FARP1: variants seen among roughly 807,000 people sequenced by gnomAD.
FARP1 encodes the protein FERM, ARH/RhoGEF and pleckstrin domain protein 1, also known as FERM, ARHGEF and pleckstrin domain-containing protein 1.
In FARP1, 52 loss-of-function variants were observed where a neutral mutation model predicts 128.8. That is an observed-to-expected ratio of 0.40 (90% CI 0.32 to 0.51). The LOEUF (loss-of-function observed/expected upper bound fraction) is 0.51, where lower values mean the gene tolerates loss of function less well. Among genes scored for constraint, FARP1 ranks in the 20% least tolerant of loss-of-function variants. The pLI is 0.45. For synonymous variants in FARP1, 580 were observed against 551.8 expected (o/e 1.05, Z -0.72); for missense variants, 1,333 against 1,367.9 (o/e 0.97, Z 0.40).
At chr13:98,174,812 ATAC>A (rs1877885407) in intron 1 of FARP1, among the ~76,000 whole-genome samples, 1 of 152,196 alleles carries the variant, frequency 6.6e-6, no homozygotes, top group South Asian at 2.1e-4. Context: ...ACCCTGTGAG[ATAC>A]TACTATGTAT....
At chr13:98,254,560 A>G (rs1208498110) in intron 2 of FARP1, among the ~76,000 whole-genome samples, 1 of 152,180 alleles carries the variant, frequency 6.6e-6, no homozygotes, top group African/African-American at 2.4e-5. Flanking sequence ...TACTGATGAG[A>G]AGTGTATCCT....
chr13:98,315,778 T>C (rs557761580), intron 2 of FARP1, among the ~76,000 whole-genome samples: 109 of 152,322 alleles, frequency 7.2e-4, no homozygotes, highest in Non-Finnish European at 4.4e-5. Context: ...TCACTGGTGG[T>C]TTTCTGAGTC....
chr13:98,432,094 G>T, intron 18 of FARP1: 1 of 152,272 alleles, frequency 6.6e-6, no homozygotes. Context: ...TTACATATGG[G>T]GACTACGGAG....
chr13:98,262,223 T>C (rs1270706825), intron 2 of FARP1, among the ~76,000 whole-genome samples: 3 of 151,582 alleles, frequency 2.0e-5, no homozygotes, highest in African/African-American at 7.3e-5. Flanking sequence ...TTTTACCATG[T>C]TGTGTAGGCT....
At chr13:98,390,365 C>G (rs1890261470) in intron 10 of FARP1, among the ~76,000 whole-genome samples, 1 of 152,254 alleles carries the variant, frequency 6.6e-6, no homozygotes, top group South Asian at 2.1e-4. Context: ...GGATTTCTCT[C>G]TCAGTAGAAG....
At chr13:98,383,424 G>A (rs1460297149) in intron 6 of FARP1, among the ~76,000 whole-genome samples, 2 of 152,166 alleles carry the variant, frequency 1.3e-5, no homozygotes, top group South Asian at 2.1e-4. Context: ...CCAGTGCACC[G>A]GCTGCTGCCA....
intron 16 of FARP1, among the ~76,000 whole-genome samples, chr13:98,415,410 A>G (rs952934295): frequency 1.3e-5 from 2 of 152,162 alleles, no homozygotes; most frequent in Non-Finnish European, 2.9e-5. Context: ...TCTTTAGTCT[A>G]CAAGCAATGC....
At chr13:98,319,653 C>T (rs1886905094) in intron 2 of FARP1, among the ~76,000 whole-genome samples, 1 of 152,222 alleles carries the variant, frequency 6.6e-6, no homozygotes, top group Admixed American at 6.5e-5. Flanking sequence ...CCATTTATCT[C>T]TCTTCTTCCC....
chr13:98,390,237 T>A, intron 10 of FARP1, 117 bp downstream of exon 10: 1 of 1,139,382 alleles, frequency 8.8e-7, no homozygotes, highest in Non-Finnish European at 1.2e-6. Context: ...CTCCAGGAGC[T>A]ATGGCCAAGC....
At position 98,182,212 on chromosome 13, in the gene FARP1, G is replaced by A. The variant is rs1878584155; in HGVS notation, c.-23-31008G>A. On this transcript the variant is annotated intron_variant, in intron 1 of 26. Coordinates refer to ENST00000319562, the MANE Select transcript of FARP1 (RefSeq NM_005766.4). ...AATGCCACAATTCCCATAGCTCTTT[G>A]ACTTAGTCCCCTTTTAGGATGGATT... Among the ~76,000 whole-genome samples, 4 of 152,010 alleles carry A rather than the reference G, an allele frequency of 2.6e-5. No homozygotes were observed. In the South Asian group the frequency reaches 8.3e-4, roughly 32 times the overall value.
chr13:98,411,873 C>T lies in FARP1; in HGVS notation c.1693-28C>T, dbSNP rs142195537. On this transcript the variant is annotated intron_variant, in intron 15 of 26. Coordinates refer to ENST00000319562, the MANE Select transcript of FARP1 (RefSeq NM_005766.4). ...GACACTCGTCATTGATCTTTCCACC[C>T]GTAAGTGCATCGTCTTCTTCTTTCC... is the stretch of plus-strand genomic sequence containing the variant. 111 of 1,609,802 alleles carry T rather than the reference C, an allele frequency of 6.9e-5. 1 individual carries two copies. In the East Asian group the frequency reaches 9.9e-4, roughly 14 times the overall value.
chr13:98,271,625 T>A (rs1436894749), intron 2 of FARP1, among the ~76,000 whole-genome samples: 1 of 152,146 alleles, frequency 6.6e-6, no homozygotes, highest in African/African-American at 2.4e-5. Context: ...TGTGTTCTCA[T>A]TGTTCAGCTC....
At chr13:98,421,001 G>A (rs1891572738) in intron 16 of FARP1, among the ~76,000 whole-genome samples, 1 of 152,218 alleles carries the variant, frequency 6.6e-6, no homozygotes, top group African/African-American at 2.4e-5. Context: ...TGCTATGTGA[G>A]CTGGGGTGGG....
At chr13:98,188,790 T>A (rs2139227394) in intron 1 of FARP1, among the ~76,000 whole-genome samples, 1 of 152,292 alleles carries the variant, frequency 6.6e-6, no homozygotes, top group Non-Finnish European at 1.5e-5. Context: ...TGCGAAGTCC[T>A]CCTTCAGAAG....
Position 98,176,025 on chromosome 13 carries a change from T to C in FARP1, c.-24+32533T>C. ...AATAATTCTGCAGTGAACATGGGAGTGCACATACCTCTTTGAGATCCGGAT... is the reference window on the plus strand; with the variant it reads ...AATAATTCTGCAGTGAACATGGGAGCGCACATACCTCTTTGAGATCCGGAT... On this transcript the variant is annotated intron_variant, in intron 1 of 26. Transcript: ENST00000319562. The surrounding 1 kb of genome is among the most constrained non-coding windows in gnomAD (Gnocchi z 6.2). The C allele has an allele frequency of 1.3e-6, 1 of 780,138 alleles. No individual in the cohort carries two copies. Among genetic ancestry groups the C allele is most frequent in the Middle Eastern group, 3.7e-4 (1 of 2,716 alleles). The allele number at this position is 780,138 out of a possible 1,614,324, so 48.3% of individuals were successfully genotyped here. A position where few individuals can be genotyped will look rare whatever the true frequency, so the allele number is the denominator to read the frequency against.
intron 16 of FARP1, 121 bp downstream of exon 16, chr13:98,412,155 A>AG: frequency 1.1e-6 from 1 of 896,032 alleles, no homozygotes; most frequent in Non-Finnish European, 1.7e-6. Context: ...CTGGCTTACA[A>AG]CAAGTCAGCC....
intron 2 of FARP1, among the ~76,000 whole-genome samples, chr13:98,237,011 G>A (rs185017544): frequency 1.3e-5 from 2 of 150,756 alleles, no homozygotes; most frequent in Admixed American, 6.6e-5. Context: ...AAAAGAAAAC[G>A]TTAAAATTTA....
At position 98,455,076 on chromosome 13, in the gene FARP1, C is replaced by A. The variant is rs1012669733; in HGVS notation, c.*6759C>A. On this transcript the variant is annotated 3_prime_UTR_variant, in exon 27 of 27. Coordinates refer to ENST00000319562, the MANE Select transcript of FARP1 (RefSeq NM_005766.4). ...GGAGATGTGCTAAGTGTAAAACACA[C>A]ACCAACTCCAAAGACGGTCCCTCCA... 9 of 152,228 alleles carry A rather than the reference C, an allele frequency of 5.9e-5. No individual in the cohort carries two copies. Among genetic ancestry groups the A allele is most frequent in the African/African-American group, 9.6e-5 (4 of 41,460 alleles). The allele number at this position is 152,228 out of a possible 1,614,324, so 9.4% of individuals were successfully genotyped here.
intron 2 of FARP1, among the ~76,000 whole-genome samples, chr13:98,213,983 G>T (rs541446358): frequency 5.7e-4 from 87 of 152,278 alleles, no homozygotes; most frequent in African/African-American, 2.0e-3. Flanking sequence ...TTCCGAGCCT[G>T]CCATATGGCA....
Sources: allele counts gnomAD v4.1 joint callset (sites outside exome capture counted in the v4.1 genomes callset), GRCh38; gene constraint gnomAD v4.1.1; non-coding constraint Gnocchi (gnomAD v3.1); transcripts MANE v1.5; gene names NCBI Gene and HGNC (gene_info 2026-07-23, HGNC 2026-07-21).